Variants in INPP4B observed in about 807,000 individuals in gnomAD.
INPP4B encodes inositol polyphosphate-4-phosphatase type II B.
A neutral mutation model predicts 122.5 loss-of-function variants in INPP4B; 55 were observed. That is an observed-to-expected ratio of 0.45 (90% CI 0.36 to 0.56). The LOEUF is 0.56. Ranked by LOEUF, INPP4B falls within the 20% of genes least tolerant of loss-of-function variation. The probability of loss-of-function intolerance (pLI) is 0.00; values close to 1 mark genes in which losing one functional copy is unlikely to be tolerated. For synonymous variants in INPP4B, 403 were observed against 388.7 expected, an observed-to-expected ratio of 1.04 and a Z score of -0.43; for missense variants, 1,000 against 1,097.7, an observed-to-expected ratio of 0.91 and a Z score of 1.26.
intron 2 of INPP4B, among the ~76,000 whole-genome samples, chr4:142,585,914 G>A (rs1272834300): frequency 6.6e-6 from 1 of 151,372 alleles, no homozygotes; most frequent in Non-Finnish European, 1.5e-5. Flanking sequence ...CAACGGGCAG[G>A]TTTGTTTCAT....
At chr4:142,789,123 C>T (rs993304578) in intron 1 of INPP4B, among the ~76,000 whole-genome samples, 13 of 152,202 alleles carry the variant, frequency 8.5e-5, no homozygotes, top group Admixed American at 3.9e-4. Flanking sequence ...CCACAGCCAA[C>T]ATAATACCGA....
At chr4:142,192,881 G>A (rs1307488861) in intron 15 of INPP4B, among the ~76,000 whole-genome samples, 1 of 152,110 alleles carries the variant, frequency 6.6e-6, no homozygotes, top group Admixed American at 6.6e-5. Context: ...CCATCACAAT[G>A]CCACTAACTA....
At chr4:142,529,085 A>C (rs1481237272) in intron 2 of INPP4B, among the ~76,000 whole-genome samples, 1 of 152,080 alleles carries the variant, frequency 6.6e-6, no homozygotes, top group Non-Finnish European at 1.5e-5. Context: ...ATGTGTTGGC[A>C]TTTCTCCTAT....
At chr4:142,560,231 C>T (rs1306066410) in intron 2 of INPP4B, among the ~76,000 whole-genome samples, 1 of 152,202 alleles carries the variant, frequency 6.6e-6, no homozygotes, top group Non-Finnish European at 1.5e-5. Context: ...CTCTCCTAAG[C>T]ATGCTGAGCC....
At chr4:142,150,017 T>A (rs1361718428) in intron 17 of INPP4B, among the ~76,000 whole-genome samples, 4 of 152,198 alleles carry the variant, frequency 2.6e-5, no homozygotes. Flanking sequence ...GCATTGAATA[T>A]CTGAGTTCTT....
chr4:142,128,719 G>A (rs1393333397), intron 18 of INPP4B, among the ~76,000 whole-genome samples: 2 of 152,068 alleles, frequency 1.3e-5, no homozygotes, highest in Non-Finnish European at 2.9e-5. Context: ...CCCTCTACTT[G>A]CTTCTCCGGC....
chr4:142,640,056 T>C (rs992823192), intron 2 of INPP4B, among the ~76,000 whole-genome samples: 5 of 152,078 alleles, frequency 3.3e-5, no homozygotes, highest in Non-Finnish European at 5.9e-5. Context: ...AAAAACCTCA[T>C]AGGAATACTA....
chr4:142,830,887 T>C (rs1459463695), intron 1 of INPP4B, among the ~76,000 whole-genome samples: 1 of 147,806 alleles, frequency 6.8e-6, no homozygotes. Context: ...CCAGGTGTGG[T>C]AGCATATGCC....
At chr4:142,777,155 C>A (rs1716772160) in intron 1 of INPP4B, among the ~76,000 whole-genome samples, 1 of 152,028 alleles carries the variant, frequency 6.6e-6, no homozygotes, top group African/African-American at 2.4e-5. Flanking sequence ...TGATAGACAG[C>A]CCCTAGGGTG....
At chr4:142,426,010 G>T (rs551865334) in intron 5 of INPP4B, among the ~76,000 whole-genome samples, 1 of 142,348 alleles carries the variant, frequency 7.0e-6, no homozygotes, top group African/African-American at 2.4e-5. Flanking sequence ...CATTACTTCA[G>T]AGCGTCAAGG....
At chr4:142,218,009 T>C (rs1848009775) in intron 12 of INPP4B, among the ~76,000 whole-genome samples, 2 of 151,188 alleles carry the variant, frequency 1.3e-5, no homozygotes, top group African/African-American at 4.8e-5. Context: ...GCTTGCATAA[T>C]GATGTAAACC....
At chr4:142,179,029 T>C (rs991180607) in intron 15 of INPP4B, among the ~76,000 whole-genome samples, 1 of 152,112 alleles carries the variant, frequency 6.6e-6, no homozygotes, top group Non-Finnish European at 1.5e-5. Context: ...ACCCTTTCCA[T>C]TTTCTACTGG....
At chr4:142,252,249 C>T (rs1284479774) in intron 11 of INPP4B, among the ~76,000 whole-genome samples, 4 of 144,384 alleles carry the variant, frequency 2.8e-5, no homozygotes, top group African/African-American at 5.2e-5. Context: ...AGTGCAGTGG[C>T]GCGATCTCGG....
At chr4:142,464,890 G>T (rs1281069113) in intron 2 of INPP4B, among the ~76,000 whole-genome samples, 1 of 152,060 alleles carries the variant, frequency 6.6e-6, no homozygotes, top group Non-Finnish European at 1.5e-5. Flanking sequence ...TCTAAGCATT[G>T]TGCTCTGTTG....
intron 17 of INPP4B, among the ~76,000 whole-genome samples, chr4:142,148,642 A>G (rs1812090031): frequency 6.6e-6 from 1 of 152,348 alleles, no homozygotes; most frequent in Admixed American, 6.5e-5. Context: ...AGTATTTAAA[A>G]GATAATTTGA....
At chr4:142,638,996 G>A (rs1286089489) in intron 2 of INPP4B, among the ~76,000 whole-genome samples, 1 of 152,142 alleles carries the variant, frequency 6.6e-6, no homozygotes, top group Non-Finnish European at 1.5e-5. Context: ...GGGTGTTGGA[G>A]TTTAGTCAAA....
At chr4:142,214,387 C>T (rs1179653324) in intron 12 of INPP4B, among the ~76,000 whole-genome samples, 1 of 152,142 alleles carries the variant, frequency 6.6e-6, no homozygotes, top group Non-Finnish European at 1.5e-5. Flanking sequence ...GTAATACAGT[C>T]TGGATCTTCT....
At chr4:142,789,575 A>C (rs903568376) in intron 1 of INPP4B, among the ~76,000 whole-genome samples, 1 of 152,156 alleles carries the variant, frequency 6.6e-6, no homozygotes, top group Non-Finnish European at 1.5e-5. Flanking sequence ...ATACTGCTGA[A>C]AGAAATCATA....
At chr4:142,454,638 C>A (rs1333762646) in intron 3 of INPP4B, among the ~76,000 whole-genome samples, 1 of 152,052 alleles carries the variant, frequency 6.6e-6, no homozygotes, top group Non-Finnish European at 1.5e-5. Flanking sequence ...AGAGGTACAG[C>A]AAAGTGGTTG....
Sources: gnomAD v4.1 joint callset for allele counts (sites outside exome capture counted in the v4.1 genomes callset) on GRCh38, gnomAD v4.1.1 for gene constraint, MANE v1.5 for transcripts, NCBI Gene and HGNC (gene_info 2026-07-23, HGNC 2026-07-21) for gene names.